Variants in MCU observed in about 807,000 individuals in gnomAD.
The protein encoded by MCU is calcium uniporter protein, mitochondrial.
Under a neutral mutation model 45.2 loss-of-function variants are expected in MCU, and 12 were observed. That is an observed-to-expected ratio of 0.27 (90% CI 0.17 to 0.43). The LOEUF is 0.43. MCU is among the 20% of genes least tolerant of loss of function. The pLI, the probability that MCU is intolerant of heterozygous loss-of-function variation, is 1.00. For synonymous variants in MCU, 160 were observed against 165.1 expected (o/e 0.97, Z 0.24); for missense variants, 324 against 436.7 (o/e 0.74, Z 2.30).
intron 1 of MCU, among the ~76,000 whole-genome samples, chr10:72,822,951 G>A (rs764137736): frequency 2.0e-5 from 3 of 152,092 alleles, no homozygotes; most frequent in Admixed American, 6.5e-5. Context: ...ATAAATACTC[G>A]TATGGCGATT....
In MCU at chr10:72,830,881, G is replaced by A. The variant is rs377264225; in HGVS notation, c.151-3478G>A. ...ACACAGTTCTCCAAAGGAAGCTGCC[G>A]ACCTCAGACTTCTCCAAAGCAGTAT... On this transcript the variant is annotated intron_variant, in intron 1 of 7. Coordinates refer to ENST00000373053, the MANE Select transcript of MCU (RefSeq NM_138357.3). 5.3e-5 allele frequency among the ~76,000 whole-genome samples: 8 copies of A among 152,286 alleles called. No homozygotes were observed. In the South Asian group the frequency reaches 1.2e-3, roughly 24 times the overall value.
intron 1 of MCU, among the ~76,000 whole-genome samples, chr10:72,763,842 A>G (rs1014342531): frequency 2.6e-5 from 4 of 152,184 alleles, no homozygotes; most frequent in African/African-American, 9.7e-5. Context: ...ACTGAGTCAT[A>G]CCATCAGAGA....
intron 1 of MCU, among the ~76,000 whole-genome samples, chr10:72,784,331 A>G (rs1414691378): frequency 6.6e-6 from 1 of 152,234 alleles, no homozygotes; most frequent in Non-Finnish European, 1.5e-5. Context: ...GTTTTGATAG[A>G]TCTCTTAGAA....
intron 2 of MCU, among the ~76,000 whole-genome samples, chr10:72,855,493 G>T (rs1009568201): frequency 8.5e-5 from 13 of 152,138 alleles, no homozygotes; most frequent in Admixed American, 2.6e-4. Flanking sequence ...GAGGTAGGAG[G>T]ATCACTTGAG....
At chr10:72,774,959 C>G (rs534126118) in intron 1 of MCU, among the ~76,000 whole-genome samples, 1 of 152,140 alleles carries the variant, frequency 6.6e-6, no homozygotes, top group South Asian at 2.1e-4. Context: ...TAGTAGGGCA[C>G]TTTAACACCA....
intron 1 of MCU, among the ~76,000 whole-genome samples, chr10:72,765,927 C>G (rs949492544): frequency 6.6e-6 from 1 of 151,516 alleles, no homozygotes; most frequent in Non-Finnish European, 1.5e-5. Flanking sequence ...AGTGCAATGG[C>G]GAGATCATAA....
At chr10:72,748,818 C>G (rs1176009247) in intron 1 of MCU, among the ~76,000 whole-genome samples, 1 of 152,100 alleles carries the variant, frequency 6.6e-6, no homozygotes, top group Non-Finnish European at 1.5e-5. Flanking sequence ...CCTGTTCTTT[C>G]CTTGACAGTG....
In MCU at chr10:72,887,672, T is replaced by TAA. The variant is rs2132911812; in HGVS notation, c.*1852_*1853dup. ...AAAAGCAATGTACCTTCTGGAACAA[T>TAA]AAATACTTATTCAATTTTTGAACGA... On this transcript the variant is annotated 3_prime_UTR_variant, in exon 8 of 8. Coordinates refer to ENST00000373053, the MANE Select transcript of MCU (RefSeq NM_138357.3). 1 of 152,854 alleles carries TAA rather than the reference T, an allele frequency of 6.5e-6. No homozygotes were observed. Among genetic ancestry groups the TAA allele is most frequent in the Non-Finnish European group, 1.5e-5 (1 of 68,022 alleles). The allele number at this position is 152,854 out of a possible 1,614,324, so 9.5% of individuals were successfully genotyped here.
intron 1 of MCU, among the ~76,000 whole-genome samples, chr10:72,697,721 ACTGTGCCTGGCTGACTT>A (rs1192717450): frequency 1.3e-5 from 2 of 152,110 alleles, no homozygotes; most frequent in African/African-American, 4.8e-5. Context: ...GGTGTGAGCC[ACTGTGCCTGGCTGACTT>A]CTTTTATTTT....
chr10:72,805,322 T>C (rs907895619), intron 1 of MCU, among the ~76,000 whole-genome samples: 1 of 150,624 alleles, frequency 6.6e-6, no homozygotes, highest in Non-Finnish European at 1.5e-5. Context: ...GGTCTTGGCT[T>C]ACTGCAACCT....
chr10:72,815,049 A>G (rs1844604673), intron 1 of MCU, among the ~76,000 whole-genome samples: 1 of 152,256 alleles, frequency 6.6e-6, no homozygotes, highest in African/African-American at 2.4e-5. Flanking sequence ...TTAAGAAAAT[A>G]CAGATATAAA....
At position 72,763,149 on chromosome 10, in the gene MCU, G is replaced by T. The variant is rs563690987; in HGVS notation, c.150+70848G>T. Among the ~76,000 whole-genome samples, 37 of 152,256 alleles carry T rather than the reference G, an allele frequency of 2.4e-4. No individual in the cohort carries two copies. In the South Asian group the frequency reaches 7.5e-3, roughly 31 times the overall value. ...AACTGTGATTAGATTGTGCCCACCTGGATAATCCTGGGTGCAAACTTTTTC... is the reference window on the plus strand; with the variant it reads ...AACTGTGATTAGATTGTGCCCACCTTGATAATCCTGGGTGCAAACTTTTTC... On this transcript the variant is annotated intron_variant, in intron 1 of 7. Transcript: ENST00000373053.
At position 72,847,780 on chromosome 10, in the gene MCU, A is replaced by G. The variant is rs137986876; in HGVS notation, c.221-11397A>G. Among the ~76,000 whole-genome samples the G allele has an allele frequency of 1.8e-3, 269 of 152,280 alleles. 1 individual carries two copies. Among genetic ancestry groups the G allele is most frequent in the African/African-American group, 4.5e-3 (188 of 41,554 alleles). ...TGTAGTCTTTTGAGGGTGCAGCCCC[A>G]TGTCAGTCAGGGCCTTAATCATCTG... On this transcript the variant is annotated intron_variant, in intron 2 of 7. Coordinates refer to ENST00000373053, the MANE Select transcript of MCU (RefSeq NM_138357.3).
chr10:72,769,324 C>T (rs1378550597), intron 1 of MCU, among the ~76,000 whole-genome samples: 1 of 152,222 alleles, frequency 6.6e-6, no homozygotes, highest in African/African-American at 2.4e-5. Flanking sequence ...ACAATGACAA[C>T]TGTGTTACAA....
At chr10:72,736,365 G>A (rs1397267828) in intron 1 of MCU, 2 of 152,190 alleles carry the variant, frequency 1.3e-5, no homozygotes, top group Non-Finnish European at 2.9e-5. Context: ...GGCCCTGACT[G>A]CTGCTGCCTA....
chr10:72,714,063 T>C (rs1401023148), intron 1 of MCU, among the ~76,000 whole-genome samples: 2 of 150,956 alleles, frequency 1.3e-5, no homozygotes, highest in African/African-American at 2.4e-5. Flanking sequence ...GCATCCCTGG[T>C]TCAAGCAGTT....
chr10:72,880,954 C>T (rs1016491074), intron 6 of MCU, among the ~76,000 whole-genome samples: 7 of 151,932 alleles, frequency 4.6e-5, no homozygotes, highest in Non-Finnish European at 1.0e-4. Context: ...ATAGTGAGAC[C>T]CAATAGCTAA....
chr10:72,823,854 G>A (rs966851702), intron 1 of MCU, among the ~76,000 whole-genome samples: 3 of 152,092 alleles, frequency 2.0e-5, no homozygotes, highest in Admixed American at 2.0e-4. Context: ...GAGGTCAGGA[G>A]TTCAAGACCA....
chr10:72,800,907 T>A (rs141050949), intron 1 of MCU, among the ~76,000 whole-genome samples: 4 of 152,294 alleles, frequency 2.6e-5, no homozygotes, highest in Admixed American at 1.3e-4. Context: ...GAGACCAGCC[T>A]GGGCAACATA....
Sources: allele counts gnomAD v4.1 joint callset (sites outside exome capture counted in the v4.1 genomes callset), GRCh38; gene constraint gnomAD v4.1.1; transcripts MANE v1.5; gene names NCBI Gene and HGNC (gene_info 2026-07-23, HGNC 2026-07-21).